KDM2B: variants seen among roughly 807,000 people sequenced by gnomAD.
KDM2B encodes the protein lysine-specific demethylase 2B.
A neutral mutation model predicts 150.0 loss-of-function variants in KDM2B; 26 were observed. The observed-to-expected ratio is 0.17, with a 90% CI of 0.13 to 0.24. The LOEUF is 0.24. Ranked by LOEUF, KDM2B falls within the 10% of genes least tolerant of loss-of-function variation. The pLI is 1.00. For synonymous variants in KDM2B, 734 were observed against 729.5 expected (o/e 1.01, Z -0.10); for missense variants, 1,265 against 1,816.9 (o/e 0.70, Z 5.52).
At chr12:121,530,785 C>A (rs1887603264) in intron 8 of KDM2B, among the ~76,000 whole-genome samples, 1 of 152,052 alleles carries the variant, frequency 6.6e-6, no homozygotes, top group South Asian at 2.1e-4. Context: ...GCTTAAGTCA[C>A]CAACATCAAC....
chr12:121,455,473 G>A (rs770623743), intron 12 of KDM2B, among the ~76,000 whole-genome samples: 2 of 152,216 alleles, frequency 1.3e-5, no homozygotes, highest in Non-Finnish European at 2.9e-5. Context: ...GCATGCTGGG[G>A]TCTGAGGTGG....
chr12:121,492,476 T>G (rs1555300106), intron 12 of KDM2B, among the ~76,000 whole-genome samples: 1 of 151,474 alleles, frequency 6.6e-6, no homozygotes, highest in Non-Finnish European at 1.5e-5. Flanking sequence ...CCCAGTTAAT[T>G]TTTGTATTTT....
chr12:121,567,485 G>A (rs565258127), intron 4 of KDM2B, among the ~76,000 whole-genome samples: 9 of 152,238 alleles, frequency 5.9e-5, no homozygotes, highest in African/African-American at 2.2e-4. Flanking sequence ...GAGGCGGGAG[G>A]ATCACTTGAG....
intron 6 of KDM2B, 101 bp downstream of exon 6, chr12:121,548,776 C>A: frequency 1.2e-6 from 1 of 860,814 alleles, no homozygotes; most frequent in Non-Finnish European, 1.9e-6. Flanking sequence ...TTGTGACGCT[C>A]AAGCCTTCAC....
Position 121,467,008 on chromosome 12 carries a change from GC to G in KDM2B, c.1735-13665del, listed in dbSNP as rs1880091612. 1 of 267,318 alleles carries G rather than the reference GC, an allele frequency of 3.7e-6. No individual in the cohort carries two copies. The highest frequency in any genetic ancestry group is 8.7e-5 in the South Asian group (1 of 11,520). 16.6% of individuals were successfully genotyped at this position (267,318 alleles called of 1,614,324 possible). On this transcript the variant is annotated intron_variant, in intron 12 of 22. Transcript: ENST00000377071. The surrounding 1 kb of genome is among the most constrained non-coding windows in gnomAD (Gnocchi z 5.1). ...CCGCGCTCCTCTACGCCCCGCTCGG[GC>G]CCGGCCCCGGCCGCCCCGCCGGCAG...
At chr12:121,526,786 C>T (rs1175821869) in intron 8 of KDM2B, among the ~76,000 whole-genome samples, 1 of 152,024 alleles carries the variant, frequency 6.6e-6, no homozygotes, top group Non-Finnish European at 1.5e-5. Flanking sequence ...AATCCCAGCA[C>T]TTGGGGAGGC....
intron 4 of KDM2B, among the ~76,000 whole-genome samples, chr12:121,553,413 A>T (rs1555312155): frequency 6.6e-6 from 1 of 152,116 alleles, no homozygotes; most frequent in Non-Finnish European, 1.5e-5. Context: ...TCACGAACCC[A>T]GAGTCCTGCA....
intron 14 of KDM2B, 121 bp downstream of exon 14, chr12:121,445,154 C>G (rs1012479853): frequency 4.9e-6 from 6 of 1,213,538 alleles, no homozygotes; most frequent in Non-Finnish European, 5.8e-6. Context: ...CAGGATCACC[C>G]AGACTCAGGG....
intron 12 of KDM2B, among the ~76,000 whole-genome samples, chr12:121,477,420 G>C (rs781856885): frequency 2.6e-5 from 4 of 151,938 alleles, no homozygotes; most frequent in Non-Finnish European, 5.9e-5. Context: ...AGTCTACTCT[G>C]TCACCTACGC....
rs1880370886 is a variant in KDM2B, at chr12:121,468,490, A to G, written c.1735-15146T>C. 6.6e-6 allele frequency: 1 copy of G among 152,212 alleles called. No homozygotes were observed. The highest frequency in any genetic ancestry group is 1.9e-4 in the East Asian group (1 of 5,202). The allele number at this position is 152,212 out of a possible 1,614,324, so 9.4% of individuals were successfully genotyped here. On this transcript the variant is annotated intron_variant, in intron 12 of 22. Transcript: ENST00000377071. This position sits in a 1 kb window ranked among gnomAD's most constrained non-coding sequence, Gnocchi z 4.0. ...GTCCAAGGTAACACTAAATATGCACACCTGTACCTGTTCAGTTTCTCCATC... is the reference window on the plus strand; with the variant it reads ...GTCCAAGGTAACACTAAATATGCACGCCTGTACCTGTTCAGTTTCTCCATC...
chr12:121,534,891 G>A (rs374933440), intron 6 of KDM2B, among the ~76,000 whole-genome samples: 3 of 152,058 alleles, frequency 2.0e-5, no homozygotes, highest in African/African-American at 4.8e-5. Context: ...GGTTCCTAAC[G>A]GGGTGGGTTT....
At chr12:121,530,152 C>T (rs143817307) in intron 8 of KDM2B, among the ~76,000 whole-genome samples, 1,974 of 147,688 alleles carry the variant, frequency 0.013, 43 homozygotes, top group African/African-American at 0.047. Flanking sequence ...GGTGTGAACC[C>T]GGGAGGCGGA....
chr12:121,572,121 C>A (rs1458206308), intron 4 of KDM2B, among the ~76,000 whole-genome samples: 3 of 152,102 alleles, frequency 2.0e-5, no homozygotes, highest in Non-Finnish European at 4.4e-5. Flanking sequence ...TCGCTTAGGC[C>A]CAGGAGTTGC....
chr12:121,524,583 C>G, intron 8 of KDM2B: 1 of 261,548 alleles, frequency 3.8e-6, no homozygotes, highest in South Asian at 3.2e-5. Flanking sequence ...GCGTCCCTCC[C>G]CCAGCTCTGC....
the KDM2B span, among the ~76,000 whole-genome samples, chr12:121,419,574 A>G: frequency 9.4e-6 from 1 of 106,946 alleles, no homozygotes; most frequent in Non-Finnish European, 1.9e-5. Context: ...GTGCCTGGCA[A>G]TCAGGGTGGA....
Position 121,440,040 on chromosome 12 carries a change from C to A in KDM2B, c.3646G>T (p.Val1216Leu). 1.2e-6 allele frequency: 2 copies of A among 1,612,176 alleles called. No individual in the cohort carries two copies. The stretch of plus-strand genomic sequence containing the variant: ...TCCAGGCCTGCCAGGCGCAGCTCCA[C>A]GATGTTCCGGAGCTTGCTCCGATTG... ...MDNRSKLRNI[V>L]ELRLAGLDIT... Residue 1216 changes from valine (V) to leucine (L), a missense_variant, in exon 22 of 23, where the codon GTG becomes TTG. By Grantham distance (32) the Val-to-Leu change is conservative. This residue lies in a region of KDM2B where 251 missense variants were observed against 397.8 expected (regional missense o/e 0.63). Coordinates refer to ENST00000377071, the MANE Select transcript of KDM2B (RefSeq NM_032590.5).
At chr12:121,495,932 G>A (rs1883888312) in intron 11 of KDM2B, among the ~76,000 whole-genome samples, 1 of 151,914 alleles carries the variant, frequency 6.6e-6, no homozygotes, top group Admixed American at 6.6e-5. Flanking sequence ...CTCCCACGAG[G>A]CACACTGTGT....
At chr12:121,509,099 C>CAT (rs1885349749) in intron 11 of KDM2B, among the ~76,000 whole-genome samples, 1 of 152,116 alleles carries the variant, frequency 6.6e-6, no homozygotes, top group Admixed American at 6.6e-5. Flanking sequence ...TGCTCTGTTG[C>CAT]CCAGGCTGGA....
At chr12:121,505,407 G>A (rs1308486268) in intron 11 of KDM2B, among the ~76,000 whole-genome samples, 7 of 151,930 alleles carry the variant, frequency 4.6e-5, no homozygotes, top group African/African-American at 1.5e-4. Flanking sequence ...CATCACACGA[G>A]GCTGTCCAAC....
Sources: allele counts gnomAD v4.1 joint callset (sites outside exome capture counted in the v4.1 genomes callset), GRCh38; gene constraint gnomAD v4.1.1; regional missense constraint gnomAD v4.1.1; non-coding constraint Gnocchi (gnomAD v3.1); transcripts MANE v1.5; gene names NCBI Gene and HGNC (gene_info 2026-07-23, HGNC 2026-07-21).